SULF2: variants seen among roughly 807,000 people sequenced by gnomAD.
The protein encoded by SULF2 is sulfatase 2, also known as extracellular sulfatase Sulf-2.
In SULF2, 52 loss-of-function variants were observed where a neutral mutation model predicts 107.7. The ratio of observed to expected loss-of-function variants is 0.48; its 90% CI spans 0.39 to 0.61. SULF2 has a LOEUF of 0.61. Ranked by LOEUF, SULF2 falls within the 20% of genes least tolerant of loss-of-function variation. The probability of loss-of-function intolerance (pLI) is 0.00; values close to 1 mark genes in which losing one functional copy is unlikely to be tolerated. For synonymous variants in SULF2, 460 were observed against 464.3 expected (o/e 0.99, Z 0.12); for missense variants, 993 against 1,177.3 (o/e 0.84, Z 2.29).
chr20:47,673,898 C>T (rs957573387), intron 10 of SULF2, among the ~76,000 whole-genome samples: 5 of 152,334 alleles, frequency 3.3e-5, no homozygotes, highest in Middle Eastern at 3.4e-3. Flanking sequence ...GAGCTGTGTG[C>T]GCTGGCGAGC....
At chr20:47,709,193 C>T (rs2088842112) in intron 3 of SULF2, among the ~76,000 whole-genome samples, 2 of 152,142 alleles carry the variant, frequency 1.3e-5, no homozygotes, top group South Asian at 2.1e-4. Context: ...TGGCAGGTGG[C>T]TGGTGCCTGG....
At chr20:47,736,654 C>T (rs576643047) in intron 3 of SULF2, 49 bp downstream of exon 3, 2 of 1,608,912 alleles carry the variant, frequency 1.2e-6, no homozygotes, top group South Asian at 1.1e-5. Context: ...CTAGGGACGC[C>T]CGCCCTGGCT....
At chr20:47,731,187 C>CTTTTTTTTTTTT (rs71183273) in intron 3 of SULF2, among the ~76,000 whole-genome samples, 1 of 81,180 alleles carries the variant, frequency 1.2e-5, no homozygotes, top group African/African-American at 6.2e-5. Flanking sequence ...TGTATCTTCT[C>CTTTTTTTTTTTT]TTTTTTTTTT....
chr20:47,771,732 G>A (rs1000393220), intron 1 of SULF2, among the ~76,000 whole-genome samples: 19 of 152,142 alleles, frequency 1.2e-4, no homozygotes, highest in Non-Finnish European at 1.9e-4. Flanking sequence ...CAGTGATGAT[G>A]AGGCTCTGCA....
chr20:47,735,481 C>T (rs189267967), intron 3 of SULF2, among the ~76,000 whole-genome samples: 1 of 152,306 alleles, frequency 6.6e-6, no homozygotes, highest in East Asian at 1.9e-4. Context: ...TCAATAAGGG[C>T]CCACTGCTGT....
intron 2 of SULF2, among the ~76,000 whole-genome samples, chr20:47,744,687 CACTGTGGCCACT>C (rs1228277437): frequency 6.6e-6 from 1 of 152,108 alleles, no homozygotes; most frequent in African/African-American, 2.4e-5. Flanking sequence ...CACTGTTATC[CACTGTGGCCACT>C]GTTGTGGCCA....
chr20:47,753,877 C>A (rs2090217600), intron 2 of SULF2, among the ~76,000 whole-genome samples: 1 of 152,204 alleles, frequency 6.6e-6, no homozygotes, highest in Admixed American at 6.5e-5. Flanking sequence ...CAAACGAGAC[C>A]TTTACCTCCA....
chr20:47,689,790 A>G, intron 5 of SULF2: 1 of 194,198 alleles, frequency 5.1e-6, no homozygotes. Flanking sequence ...GTAAAACTAT[A>G]GACCCCCTCC....
At chr20:47,743,371 T>G (rs2089935282) in intron 2 of SULF2, among the ~76,000 whole-genome samples, 1 of 152,120 alleles carries the variant, frequency 6.6e-6, no homozygotes, top group Non-Finnish European at 1.5e-5. Flanking sequence ...TGCAGTAGTG[T>G]GATCACGGCT....
At chr20:47,687,289 G>C (rs901669400) in intron 5 of SULF2, among the ~76,000 whole-genome samples, 3 of 152,176 alleles carry the variant, frequency 2.0e-5, no homozygotes, top group African/African-American at 7.2e-5. Flanking sequence ...CTGGTTGCCT[G>C]TGTCAAGCCA....
chr20:47,702,757 C>A, intron 3 of SULF2, 87 bp from the exon 4 acceptor site: 1 of 1,296,524 alleles, frequency 7.7e-7, no homozygotes, highest in South Asian at 1.3e-5. Flanking sequence ...CCTGAGCATG[C>A]ACACCTGCTC....
chr20:47,676,284 G>A (rs1202462065), intron 10 of SULF2, among the ~76,000 whole-genome samples: 1 of 152,180 alleles, frequency 6.6e-6, no homozygotes, highest in Non-Finnish European at 1.5e-5. Context: ...CCTCTGACAC[G>A]GTCAGGGTCC....
intron 7 of SULF2, among the ~76,000 whole-genome samples, chr20:47,682,773 C>T (rs777596015): frequency 6.6e-6 from 1 of 152,202 alleles, no homozygotes; most frequent in Non-Finnish European, 1.5e-5. Flanking sequence ...TCCTGGCATA[C>T]GGCCCCACCA....
intron 3 of SULF2, among the ~76,000 whole-genome samples, chr20:47,711,735 T>C (rs1328949945): frequency 6.6e-6 from 1 of 152,228 alleles, no homozygotes; most frequent in African/African-American, 2.4e-5. Context: ...GTCCTCATAT[T>C]TTGGAACCAG....
chr20:47,700,175 C>T (rs2088513753), intron 4 of SULF2, among the ~76,000 whole-genome samples: 1 of 152,080 alleles, frequency 6.6e-6, no homozygotes, highest in African/African-American at 2.4e-5. Flanking sequence ...TCACTGTCAG[C>T]CTCTCCTCCT....
At chr20:47,702,803 C>T in intron 3 of SULF2, 133 bp from the exon 4 acceptor site, 1 of 693,742 alleles carries the variant, frequency 1.4e-6, no homozygotes. Flanking sequence ...AGCAATGGAT[C>T]CCTTCTCCAA....
At chr20:47,761,328 G>A (rs962213909) in intron 1 of SULF2, among the ~76,000 whole-genome samples, 2 of 152,156 alleles carry the variant, frequency 1.3e-5, no homozygotes, top group Non-Finnish European at 2.9e-5. Context: ...TTCTCATCAC[G>A]AAACTCGGAT....
chr20:47,701,522 C>T (rs2088567790), intron 4 of SULF2, among the ~76,000 whole-genome samples: 1 of 152,172 alleles, frequency 6.6e-6, no homozygotes, highest in Non-Finnish European at 1.5e-5. Context: ...CAGGCAGCAC[C>T]CACTCACTCC....
At chr20:47,662,073 G>A (rs1246071703) in intron 17 of SULF2, among the ~76,000 whole-genome samples, 177 bp from the exon 18 acceptor site, 5 of 152,116 alleles carry the variant, frequency 3.3e-5, no homozygotes, top group Non-Finnish European at 7.3e-5. Context: ...GTGACTTTTT[G>A]GCTTCAAGTC....
Sources: allele counts gnomAD v4.1 joint callset (sites outside exome capture counted in the v4.1 genomes callset), GRCh38; gene constraint gnomAD v4.1.1; transcripts MANE v1.5; gene names NCBI Gene and HGNC (gene_info 2026-07-23, HGNC 2026-07-21).